Variants in HAVCR1 observed in about 807,000 individuals in gnomAD.
The protein encoded by HAVCR1 is hepatitis A virus cellular receptor 1.
A neutral mutation model predicts 32.0 loss-of-function variants in HAVCR1; 34 were observed. The observed-to-expected ratio is 1.06, with a 90% confidence interval of 0.81 to 1.42. HAVCR1 has a LOEUF of 1.42. Ranked by LOEUF, HAVCR1 falls within the 40% of genes most tolerant of loss-of-function variation. The probability of loss-of-function intolerance (pLI) is 0.00; values close to 1 mark genes in which losing one functional copy is unlikely to be tolerated. For missense variants in HAVCR1, 420 were observed against 442.3 expected, an observed-to-expected ratio of 0.95 and a Z score of 0.45; for synonymous variants, 178 against 170.3, an observed-to-expected ratio of 1.05 and a Z score of -0.35.
At chr5:157,044,611 GAAAGAGAAAGAAAGAA>G (rs1438926976) in intron 5 of HAVCR1, among the ~76,000 whole-genome samples, 1,872 of 66,590 alleles carry the variant, frequency 0.028, 25 homozygotes, top group Middle Eastern at 0.044. Context: ...AAGAAAGAAA[GAAAGAGAAAGAAAGAA>G]AGAAAGAAAG....
At chr5:157,067,888 G>A in the HAVCR1 span, among the ~76,000 whole-genome samples, 1 of 152,042 alleles carries the variant, frequency 6.6e-6, no homozygotes, top group Admixed American at 6.5e-5. Context: ...ATGTTAGCAA[G>A]GATGGTCTCC....
intron 5 of HAVCR1, among the ~76,000 whole-genome samples, chr5:157,046,892 C>T (rs55980520): frequency 0.022 from 3,348 of 152,164 alleles, 61 homozygotes; most frequent in East Asian, 0.053. Context: ...AATCATGCTC[C>T]GAAGGCCCCA....
chr5:157,065,875 T>G, the HAVCR1 span, among the ~76,000 whole-genome samples: 47 of 147,310 alleles, frequency 3.2e-4, 2 homozygotes, highest in Admixed American at 1.4e-4. Flanking sequence ...ATTAATTAAT[T>G]TTAAAAAAAT....
the HAVCR1 span, among the ~76,000 whole-genome samples, chr5:157,069,237 A>G: frequency 6.6e-6 from 1 of 152,212 alleles, no homozygotes. Context: ...TTTTATGTAA[A>G]TTTCCCCTAA....
rs764654204 is a variant in HAVCR1, at chr5:157,042,673, T to C, written c.791A>G (p.Asp264Gly). ...PLYSYTTDGN[D>G]TVTESSDGLW... is the part of the protein sequence containing the mutation. Reference sequence around the variant, plus strand: ...GCCATCTGAAGACTCTGTCACGGTGTCATTCCCATCTACTCAACAAGAAGG... The same window carrying C: ...GCCATCTGAAGACTCTGTCACGGTGCCATTCCCATCTACTCAACAAGAAGG... Residue 264 changes from aspartate to glycine, a missense_variant, in exon 6 of 9, where the codon GAC (aspartate) becomes GGC (glycine). Physicochemically the swap from Asp to Gly is moderately conservative, Grantham distance 94. Coordinates refer to ENST00000523175, the MANE Select transcript of HAVCR1 (RefSeq NM_001173393.3). The C allele has an allele frequency of 2.5e-6, 4 of 1,577,990 alleles. No homozygotes were observed. Among genetic ancestry groups the C allele is most frequent in the Non-Finnish European group, 3.5e-6 (4 of 1,148,472 alleles).
In HAVCR1 at chr5:157,055,256, C is replaced by T. The variant is rs773010344; in HGVS notation, c.324G>A (p.Glu108=). The T allele has an allele frequency of 6.2e-7, 1 of 1,611,776 alleles. No individual in the cohort carries two copies. Among genetic ancestry groups the T allele is most frequent in the Non-Finnish European group, 8.5e-7 (1 of 1,178,242 alleles). ...SDSGVYCCRV[E]HRGWFNDMKI... ...TCATGTCATTGAACCACCCACGGTG[C>T]TCAACACGGCAACAATATACGCCAC... is the stretch of plus-strand genomic sequence containing the variant. The change falls in exon 3 of 9, where the codon GAG becomes GAA. Residue 108 remains glutamate (E), a synonymous_variant. Transcript: ENST00000523175.
At chr5:157,059,829 C>T (rs547389120), upstream of HAVCR1, among the ~76,000 whole-genome samples, 21 of 147,816 alleles carry the variant, frequency 1.4e-4, no homozygotes, top group Admixed American at 6.8e-4. Context: ...GCAAAAAAAA[C>T]GAACAAAAAA....
At chr5:157,062,728 ACTC>A (rs759249632), upstream of HAVCR1, among the ~76,000 whole-genome samples, 5 of 150,764 alleles carry the variant, frequency 3.3e-5, no homozygotes, top group Non-Finnish European at 5.9e-5. Context: ...TCCTTCACTT[ACTC>A]CTCTGATTTC....
chr5:157,064,360 G>GAAAA, the HAVCR1 span, among the ~76,000 whole-genome samples: 1 of 146,058 alleles, frequency 6.8e-6, no homozygotes, highest in Non-Finnish European at 1.5e-5. Flanking sequence ...AAAAAAGAAA[G>GAAAA]AAAAAGAAAA....
At chr5:157,030,421 T>C (rs1754104123) in intron 8 of HAVCR1, among the ~76,000 whole-genome samples, 1 of 152,176 alleles carries the variant, frequency 6.6e-6, no homozygotes, top group African/African-American at 2.4e-5. Flanking sequence ...ATCCCAGCAT[T>C]TTGGGAGGCC....
intron 8 of HAVCR1, among the ~76,000 whole-genome samples, chr5:157,031,438 G>A (rs1048553157): frequency 2.0e-5 from 3 of 152,168 alleles, no homozygotes; most frequent in African/African-American, 4.8e-5. Context: ...AATGAAGCAG[G>A]CTGGCTGGCT....
At chr5:157,045,072 G>A (rs973885065) in intron 5 of HAVCR1, among the ~76,000 whole-genome samples, 5 of 152,034 alleles carry the variant, frequency 3.3e-5, no homozygotes, top group African/African-American at 1.2e-4. Context: ...AAACCCTATA[G>A]AGACCATGTT....
chr5:157,063,586 A>G (rs932314200), upstream of HAVCR1, among the ~76,000 whole-genome samples: 10 of 152,194 alleles, frequency 6.6e-5, no homozygotes, highest in Admixed American at 2.0e-4. Context: ...TCCTGGCCTC[A>G]TGTAACTAAC....
intron 6 of HAVCR1, among the ~76,000 whole-genome samples, chr5:157,040,766 G>C (rs995314878): frequency 3.3e-5 from 5 of 152,148 alleles, no homozygotes; most frequent in Non-Finnish European, 5.9e-5. Flanking sequence ...CAGGCATGGT[G>C]GTGGGCGCCT....
At chr5:157,040,421 A>G (rs1754819069) in intron 6 of HAVCR1, among the ~76,000 whole-genome samples, 1 of 152,270 alleles carries the variant, frequency 6.6e-6, no homozygotes, top group Non-Finnish European at 1.5e-5. Context: ...TCTGATATTT[A>G]GCCAGTATGT....
the HAVCR1 span, among the ~76,000 whole-genome samples, chr5:157,067,078 G>A: frequency 1.3e-5 from 2 of 152,184 alleles, no homozygotes; most frequent in African/African-American, 4.8e-5. Context: ...GAGAGCTTTA[G>A]GAGAGCAAAT....
rs1209423817 is a variant in HAVCR1 at position 157,044,421 on chromosome 5, GAGAA to G, written c.782-1743_782-1740del. On this transcript the variant is annotated intron_variant, in intron 5 of 8. Coordinates refer to ENST00000523175, the MANE Select transcript of HAVCR1 (RefSeq NM_001173393.3). ...GGAAGGAAGGAAGGAAGGAAGGAAG[GAGAA>G]AGAAAGAAAGAAAGAAAGAAAGAAA... is the stretch of plus-strand genomic sequence containing the variant. Among the ~76,000 whole-genome samples, 134 of 33,708 alleles carry G rather than the reference GAGAA, an allele frequency of 4.0e-3. 2 individuals carry two copies. The highest frequency in any genetic ancestry group is 5.1e-3 in the Non-Finnish European group (108 of 21,136). The allele number at this position is 33,708 out of a possible 152,430, so 22.1% of individuals were successfully genotyped here.
intron 5 of HAVCR1, among the ~76,000 whole-genome samples, chr5:157,045,805 T>C (rs897334861): frequency 6.6e-6 from 1 of 152,144 alleles, no homozygotes; most frequent in African/African-American, 2.4e-5. Context: ...CCAAGAGCCT[T>C]GGATCCACGG....
intron 5 of HAVCR1, among the ~76,000 whole-genome samples, chr5:157,044,676 A>AGAAAGAAAGGAG (rs142603344): frequency 5.2e-4 from 57 of 109,436 alleles, no homozygotes; most frequent in African/African-American, 1.5e-3. Context: ...AAAGAAAGAA[A>AGAAAGAAAGGAG]GGAGGGAGGG....
Sources: gnomAD v4.1 joint callset for allele counts (sites outside exome capture counted in the v4.1 genomes callset) on GRCh38, gnomAD v4.1.1 for gene constraint, MANE v1.5 for transcripts, NCBI Gene and HGNC (gene_info 2026-07-23, HGNC 2026-07-21) for gene names.